CHIC1: variants seen among roughly 807,000 people sequenced by gnomAD.
CHIC1 encodes the protein cysteine-rich hydrophobic domain-containing protein 1.
In CHIC1, 7 loss-of-function variants were observed where a neutral mutation model predicts 18.5. That is an observed-to-expected ratio of 0.38 (90% CI 0.22 to 0.71). The LOEUF (loss-of-function observed/expected upper bound fraction) is 0.71. Among genes scored for constraint, CHIC1 ranks in the 30% least tolerant of loss-of-function variants. The pLI is 0.49. For synonymous variants in CHIC1, 77 were observed against 73.5 expected (o/e 1.05, Z -0.25); for missense variants, 159 against 176.9 (o/e 0.90, Z 0.57).
chrX:73,578,775 T>A (rs1341331462), intron 2 of CHIC1: 1 of 110,576 alleles, frequency 9.0e-6, no homozygotes, highest in Non-Finnish European at 1.9e-5. Context: ...ATGTGATGGA[T>A]AGAGGCAAGG....
intron 2 of CHIC1, among the ~76,000 whole-genome samples, chrX:73,583,958 G>A (rs2057539768): frequency 9.0e-6 from 1 of 110,881 alleles, no homozygotes; most frequent in Non-Finnish European, 1.9e-5. Context: ...TTTGAGAGTT[G>A]CCTTTTTTCA....
intron 3 of CHIC1, among the ~76,000 whole-genome samples, chrX:73,658,506 G>A (rs983513488): frequency 4.6e-5 from 5 of 107,596 alleles, no homozygotes; most frequent in African/African-American, 1.7e-4. Context: ...ATTTCTGATT[G>A]TGTTTACTTG....
chrX:73,669,955 G>A (rs1034483208), intron 3 of CHIC1, among the ~76,000 whole-genome samples: 4 of 111,870 alleles, frequency 3.6e-5, no homozygotes, highest in Non-Finnish European at 5.6e-5. Flanking sequence ...GGGGATCTCC[G>A]GGTCAGAGTA....
chrX:73,621,881 GT>G (rs2057762081), intron 3 of CHIC1, among the ~76,000 whole-genome samples: 1 of 111,938 alleles, frequency 8.9e-6, no homozygotes, highest in Admixed American at 9.5e-5. Context: ...TAAATATCTA[GT>G]TTATTGAGAG....
At chrX:73,564,443 A>T (rs934427505) in intron 1 of CHIC1, among the ~76,000 whole-genome samples, 3 of 111,800 alleles carry the variant, frequency 2.7e-5, no homozygotes, top group African/African-American at 9.8e-5. Flanking sequence ...AAAAAATTGA[A>T]ATCTTGAGGA....
intron 3 of CHIC1, among the ~76,000 whole-genome samples, chrX:73,598,083 A>C (rs1039643498): frequency 2.7e-5 from 3 of 111,430 alleles, no homozygotes; most frequent in Non-Finnish European, 5.6e-5. Context: ...GAAAACATTC[A>C]TATGCATGTG....
intron 2 of CHIC1, among the ~76,000 whole-genome samples, chrX:73,581,800 G>T (rs1391331910): frequency 9.0e-5 from 10 of 111,050 alleles, no homozygotes; most frequent in Non-Finnish European, 1.7e-4. Flanking sequence ...TTAAAAAGAA[G>T]AAAGTGTTGG....
chrX:73,643,341 G>A (rs1405167181), intron 3 of CHIC1, among the ~76,000 whole-genome samples: 1 of 107,964 alleles, frequency 9.3e-6, no homozygotes, highest in African/African-American at 3.3e-5. Flanking sequence ...TGACAATTAC[G>A]TGTCTTGGAG....
intron 3 of CHIC1, among the ~76,000 whole-genome samples, chrX:73,671,658 A>G (rs1192667677): frequency 3.7e-5 from 4 of 109,535 alleles, no homozygotes; most frequent in African/African-American, 1.3e-4. Context: ...TCTCATCTAG[A>G]TTTTTAATTG....
At chrX:73,572,119 C>T (rs996680843) in intron 1 of CHIC1, among the ~76,000 whole-genome samples, 34 of 111,011 alleles carry the variant, frequency 3.1e-4, no homozygotes, top group Non-Finnish European at 5.7e-5. Context: ...CCCTTCTTCC[C>T]CCTTCATGTA....
At chrX:73,598,471 T>A (rs1483384640) in intron 3 of CHIC1, among the ~76,000 whole-genome samples, 2 of 72,553 alleles carry the variant, frequency 2.8e-5, no homozygotes, top group Admixed American at 3.2e-4. Context: ...CCCAGTGCTA[T>A]CCCTCCCCCC....
At chrX:73,613,620 A>G (rs750929503) in intron 3 of CHIC1, among the ~76,000 whole-genome samples, 4 of 112,090 alleles carry the variant, frequency 3.6e-5, no homozygotes, top group Non-Finnish European at 5.6e-5. Flanking sequence ...CCTGGTTTCC[A>G]GTATTTTTTA....
chrX:73,653,330 A>T (rs935257976), intron 3 of CHIC1, among the ~76,000 whole-genome samples: 1 of 111,804 alleles, frequency 8.9e-6, no homozygotes, highest in African/African-American at 3.3e-5. Context: ...CAGCACATGT[A>T]TCCTGGAACT....
chrX:73,677,266 G>A (rs935984639), intron 3 of CHIC1, among the ~76,000 whole-genome samples: 2 of 111,903 alleles, frequency 1.8e-5, no homozygotes, highest in Admixed American at 9.4e-5. Context: ...AGCTGTCAGA[G>A]AGGGACATTT....
intron 3 of CHIC1, among the ~76,000 whole-genome samples, chrX:73,677,828 G>A (rs1438575397): frequency 5.4e-5 from 6 of 112,036 alleles, no homozygotes; most frequent in South Asian, 3.7e-4. Context: ...CTTCTGCGTC[G>A]CTCACACTGG....
At chrX:73,631,510 G>A (rs1028449508) in intron 3 of CHIC1, among the ~76,000 whole-genome samples, 2 of 110,209 alleles carry the variant, frequency 1.8e-5, no homozygotes, top group African/African-American at 6.6e-5. Flanking sequence ...GCACATGCCT[G>A]TAATTCCAGC....
At chrX:73,650,305 G>C (rs1177651862) in intron 3 of CHIC1, among the ~76,000 whole-genome samples, 1 of 111,151 alleles carries the variant, frequency 9.0e-6, no homozygotes, top group Admixed American at 9.6e-5. Context: ...AAATCCAAAA[G>C]CTATCAGAAG....
At position 73,685,438 on chromosome X, in the gene CHIC1, T is replaced by C. The variant is rs1280106943; in HGVS notation, c.*4433T>C. 8.9e-6 allele frequency: 1 copy of C among 111,884 alleles called. No homozygotes were observed. Among genetic ancestry groups the C allele is most frequent in the Non-Finnish European group, 1.9e-5 (1 of 53,069 alleles). The allele number at this position is 111,884 out of a possible 1,213,427, so 9.2% of individuals were successfully genotyped here. Reference sequence around the variant, plus strand: ...TTGGCATTTATGTAAAGATTTCATATCCTATCCAACATTTACTTTAGTGTC... The same window carrying C: ...TTGGCATTTATGTAAAGATTTCATACCCTATCCAACATTTACTTTAGTGTC... On this transcript the variant is annotated 3_prime_UTR_variant, in exon 6 of 6. Transcript: ENST00000373502.
chrX:73,629,097 A>T (rs1391179175), intron 3 of CHIC1, among the ~76,000 whole-genome samples: 1 of 111,474 alleles, frequency 9.0e-6, no homozygotes, highest in African/African-American at 3.3e-5. Flanking sequence ...ACGTTTTCAT[A>T]TACCTGTTGG....
Sources: allele counts gnomAD v4.1 joint callset (sites outside exome capture counted in the v4.1 genomes callset), GRCh38; gene constraint gnomAD v4.1.1; transcripts MANE v1.5; gene names NCBI Gene and HGNC (gene_info 2026-07-23, HGNC 2026-07-21).